Variants in PKHD1 observed in about 807,000 individuals in gnomAD.
PKHD1 encodes PKHD1 ciliary IPT domain containing fibrocystin/polyductin, also known as fibrocystin.
Under a neutral mutation model 412.0 loss-of-function variants are expected in PKHD1, and 291 were observed. The observed-to-expected ratio is 0.71, with a 90% CI of 0.64 to 0.78. The LOEUF (loss-of-function observed/expected upper bound fraction) is 0.78, where lower values mean the gene tolerates loss of function less well. Among genes scored for constraint, PKHD1 ranks in the 30% least tolerant of loss-of-function variants. The pLI is 0.00. For missense variants in PKHD1, 4,825 were observed against 4,950.7 expected (o/e 0.97, Z 0.76); for synonymous variants, 1,777 against 1,821.5 (o/e 0.98, Z 0.62).
At chr6:51,728,010 C>T (rs1310751527) in intron 60 of PKHD1, among the ~76,000 whole-genome samples, 1 of 152,180 alleles carries the variant, frequency 6.6e-6, no homozygotes, top group South Asian at 2.1e-4. Flanking sequence ...TGCTGTGAAT[C>T]TCAATTCCTT....
At chr6:51,780,002 T>C (rs962922663) in intron 53 of PKHD1, among the ~76,000 whole-genome samples, 2 of 151,504 alleles carry the variant, frequency 1.3e-5, no homozygotes, top group African/African-American at 4.9e-5. Context: ...TTTCTGACTA[T>C]AGTTCCATCA....
rs1318040775 is a variant in PKHD1 at position 51,836,489 on chromosome 6, A to G, written c.8108-20T>C. ...CTGAAACTAAATACCAAAAGCCACA[A>G]CTTGCATGTGATACAAAGATCATCT... On this transcript the variant is annotated intron_variant, in intron 50 of 66. Transcript: ENST00000371117. 1.3e-6 allele frequency: 2 copies of G among 1,562,432 alleles called. No individual in the cohort carries two copies. Among genetic ancestry groups the G allele is most frequent in the East Asian group, 2.2e-5 (1 of 44,602 alleles).
intron 60 of PKHD1, among the ~76,000 whole-genome samples, chr6:51,719,213 A>AT (rs1007369231): frequency 7.3e-5 from 11 of 149,684 alleles, no homozygotes; most frequent in African/African-American, 1.2e-4. Context: ...GTTTAAGACA[A>AT]TTTTTTTTTT....
intron 53 of PKHD1, among the ~76,000 whole-genome samples, chr6:51,789,802 A>G (rs1270501505): frequency 1.3e-5 from 2 of 152,184 alleles, no homozygotes; most frequent in Non-Finnish European, 2.9e-5. Context: ...TAAAACAGAA[A>G]AGATTCAAAA....
At chr6:51,790,122 T>C (rs976235044) in intron 53 of PKHD1, among the ~76,000 whole-genome samples, 2 of 152,214 alleles carry the variant, frequency 1.3e-5, no homozygotes, top group Non-Finnish European at 2.9e-5. Context: ...ATTTTCATGC[T>C]ACCTAACAAG....
chr6:51,848,636 C>T (rs1365288982), intron 49 of PKHD1, among the ~76,000 whole-genome samples: 1 of 152,132 alleles, frequency 6.6e-6, no homozygotes. Flanking sequence ...CCAGAGTGCT[C>T]TCACGGGAAT....
rs760143061 is a variant in PKHD1, at chr6:52,017,403, A to C, written c.5600+7T>G. 6.3e-7 allele frequency: 1 copy of C among 1,592,590 alleles called. No homozygotes were observed. Among genetic ancestry groups the C allele is most frequent in the Non-Finnish European group, 8.6e-7 (1 of 1,160,394 alleles). ...GGGAAGTTCAGGGAGGGAGAAGGTA[A>C]AGTTACCTGATAAAGAGGCCCGAGA... On this transcript the variant is annotated splice_region_variant and intron_variant, in intron 34 of 66. Transcript: ENST00000371117.
chr6:51,912,312 C>T lies in PKHD1; in HGVS notation c.6332+54G>A, dbSNP rs540954335. 84 of 1,100,046 alleles carry T rather than the reference C, an allele frequency of 7.6e-5. No homozygotes were observed. In the South Asian group the frequency reaches 9.6e-4, roughly 13 times the overall value. The allele number at this position is 1,100,046 out of a possible 1,614,324, so 68.1% of individuals were successfully genotyped here. On this transcript the variant is annotated intron_variant, in intron 38 of 66. Coordinates refer to ENST00000371117, the MANE Select transcript of PKHD1 (RefSeq NM_138694.4). The stretch of plus-strand genomic sequence containing the variant: ...CAATACAAATGTCCAGACCCCAATA[C>T]AGTTAAGATCTCATCTTCTTCCATG...
Position 52,053,189 on chromosome 6 carries a change from G to C in PKHD1, c.2027C>G (p.Pro676Arg), listed in dbSNP as rs115045643. 1.3e-3 allele frequency: 2,055 copies of C among 1,614,190 alleles called. 27 individuals carry two copies. In the African/African-American group the frequency reaches 0.023, roughly 18 times the overall value. Residue 676 changes from proline (P) to arginine (R), a missense_variant, in exon 21 of 67, where the codon CCC becomes CGC. By Grantham distance (103) the Pro-to-Arg change is moderately radical. Coordinates refer to ENST00000371117, the MANE Select transcript of PKHD1 (RefSeq NM_138694.4). ...CAGCACTGGGGAGTTTGCCGGAGGGGGCTGGAGATCCCCGAAGCAACGCAC... is the reference window on the plus strand; with the variant it reads ...CAGCACTGGGGAGTTTGCCGGAGGGCGCTGGAGATCCCCGAAGCAACGCAC... ...TCVRCFGDLQ[P>R]PPANSPVLVH...
At chr6:51,983,038 C>G (rs1795770258) in intron 35 of PKHD1, among the ~76,000 whole-genome samples, 1 of 151,942 alleles carries the variant, frequency 6.6e-6, no homozygotes, top group Non-Finnish European at 1.5e-5. Flanking sequence ...AGGAAGGAAA[C>G]ACAGTGAAGT....
chr6:51,825,729 G>A (rs1767189805), intron 52 of PKHD1, among the ~76,000 whole-genome samples: 1 of 152,038 alleles, frequency 6.6e-6, no homozygotes, highest in South Asian at 2.1e-4. Context: ...TAGGTTTCTG[G>A]GTGGTTTGCC....
In PKHD1 at chr6:51,959,942, C is replaced by T. The variant is rs749107173; in HGVS notation, c.5836G>A (p.Val1946Ile). ...AGCAATTGGCCATTCTCCACTGTGACGTTGTCGCCATCTTGTGGCAGCCTT... is the reference window on the plus strand; with the variant it reads ...AGCAATTGGCCATTCTCCACTGTGATGTTGTCGCCATCTTGTGGCAGCCTT... ...PERLPQDGDN[V>I]TVENGQLLLL... Residue 1946 changes from valine (V) to isoleucine (I), a missense_variant, in exon 36 of 67, where the codon GTC (valine) becomes ATC (isoleucine). Transcript: ENST00000371117. The T allele has an allele frequency of 8.7e-6, 14 of 1,613,316 alleles. No individual in the cohort carries two copies. In the Admixed American group the frequency reaches 1.5e-4, roughly 17 times the overall value.
chr6:51,697,620 A>T (rs566885015), intron 60 of PKHD1, among the ~76,000 whole-genome samples: 1 of 152,336 alleles, frequency 6.6e-6, no homozygotes, highest in East Asian at 1.9e-4. Context: ...AACTGAAAAT[A>T]TCTGCAGACA....
At chr6:52,027,250 G>A (rs775077413) in intron 31 of PKHD1, among the ~76,000 whole-genome samples, 2 of 148,404 alleles carry the variant, frequency 1.3e-5, no homozygotes, top group African/African-American at 2.5e-5. Flanking sequence ...GGCACATCTC[G>A]GCTGGGCACG....
chr6:51,912,161 G>A (rs1191591001), intron 38 of PKHD1, among the ~76,000 whole-genome samples: 1 of 152,130 alleles, frequency 6.6e-6, no homozygotes, highest in Non-Finnish European at 1.5e-5. Flanking sequence ...GTGTAAGACA[G>A]AAGTTCTAGA....
intron 66 of PKHD1, among the ~76,000 whole-genome samples, chr6:51,625,460 CA>C (rs1317360063): frequency 6.6e-6 from 1 of 152,102 alleles, no homozygotes; most frequent in African/African-American, 2.4e-5. Flanking sequence ...GATAAGGAAA[CA>C]AATCTGCTGT....
chr6:52,064,614 G>A (rs929426292), intron 13 of PKHD1, among the ~76,000 whole-genome samples: 3 of 152,084 alleles, frequency 2.0e-5, no homozygotes, highest in Non-Finnish European at 2.9e-5. Context: ...GCCAGTGGAC[G>A]TGCAACTGAC....
intron 64 of PKHD1, among the ~76,000 whole-genome samples, chr6:51,638,549 C>T (rs1165836735): frequency 6.6e-6 from 1 of 151,986 alleles, no homozygotes. Context: ...CTATTAATAT[C>T]TAACCAAATG....
intron 55 of PKHD1, among the ~76,000 whole-genome samples, chr6:51,763,493 C>T (rs1027867180): frequency 6.6e-6 from 1 of 152,090 alleles, no homozygotes; most frequent in African/African-American, 2.4e-5. Context: ...AGCTTGCTAA[C>T]CTTTTAATTA....
Sources: allele counts gnomAD v4.1 joint callset (sites outside exome capture counted in the v4.1 genomes callset), GRCh38; gene constraint gnomAD v4.1.1; transcripts MANE v1.5; gene names NCBI Gene and HGNC (gene_info 2026-07-23, HGNC 2026-07-21).